The following CDH18 variants were observed in gnomAD, a reference collection of about 807,000 sequenced individuals.
CDH18 encodes the protein cadherin-18.
Under a neutral mutation model 67.9 loss-of-function variants are expected in CDH18, and 31 were observed. The observed-to-expected ratio is 0.46, with a 90% confidence interval of 0.34 to 0.62. The LOEUF is 0.62. Ranked by LOEUF, CDH18 falls within the 20% of genes least tolerant of loss-of-function variation. The pLI is 0.01. For synonymous variants in CDH18, 362 were observed against 347.2 expected (o/e 1.04, Z -0.48); for missense variants, 890 against 975.5 (o/e 0.91, Z 1.17).
At chr5:19,975,725 G>A (rs1315335343) in intron 2 of CDH18, among the ~76,000 whole-genome samples, 2 of 152,068 alleles carry the variant, frequency 1.3e-5, no homozygotes, top group African/African-American at 4.8e-5. Context: ...TTTAGTTAAT[G>A]TGTTACTTTT....
chr5:20,022,040 G>C (rs1486298791), intron 2 of CDH18, among the ~76,000 whole-genome samples: 1 of 152,044 alleles, frequency 6.6e-6, no homozygotes, highest in African/African-American at 2.4e-5. Context: ...CATAAAGAGT[G>C]GTTTGTTTTT....
intron 2 of CDH18, among the ~76,000 whole-genome samples, chr5:19,863,354 G>T (rs759240304): frequency 6.6e-6 from 1 of 152,142 alleles, no homozygotes; most frequent in South Asian, 2.1e-4. Flanking sequence ...CAAGGTTAAC[G>T]CAGTGGGGAA....
intron 5 of CDH18, among the ~76,000 whole-genome samples, chr5:19,691,483 T>TTTTTTTTTTTTTTTTTTTTTTTG (rs1761880139): frequency 6.6e-6 from 1 of 151,904 alleles, no homozygotes; most frequent in South Asian, 2.1e-4. Context: ...ATCTTATATT[T>TTTTTTTTTTTTTTTTTTTTTTTG]AGAAACACTT....
rs573854951 is a variant in CDH18, at chr5:19,873,868, G to A, written c.-256-34626C>T. ...TCACCATGTTGCCCAGGCAGGTTGC[G>A]AACTCCTGAGCTCAGGGAATCCGCC... On this transcript the variant is annotated intron_variant, in intron 2 of 12. Coordinates refer to ENST00000382275, the MANE Select transcript of CDH18 (RefSeq NM_004934.5). 1.3e-4 allele frequency among the ~76,000 whole-genome samples: 20 copies of A among 152,102 alleles called. No homozygotes were observed. In the South Asian group the frequency reaches 3.9e-3, roughly 30 times the overall value.
In CDH18 at chr5:19,654,386, C is replaced by T. The variant is rs1016047601; in HGVS notation, c.644-41785G>A. 2.0e-5 allele frequency among the ~76,000 whole-genome samples: 3 copies of T among 152,170 alleles called. No individual in the cohort carries two copies. In the East Asian group the frequency reaches 5.8e-4, roughly 29 times the overall value. On this transcript the variant is annotated intron_variant, in intron 5 of 12. Transcript: ENST00000382275. ...CCAATATATGAAATCTGATTATATG[C>T]ATGCATACATGTATAAATGCATATG... is the stretch of plus-strand genomic sequence containing the variant.
At chr5:20,148,528 C>A (rs976277338) in intron 2 of CDH18, among the ~76,000 whole-genome samples, 1 of 152,124 alleles carries the variant, frequency 6.6e-6, no homozygotes, top group South Asian at 2.1e-4. Context: ...CATCAGCATT[C>A]ATAGATAAGT....
At chr5:19,962,299 C>G (rs368121336) in intron 2 of CDH18, among the ~76,000 whole-genome samples, 1 of 125,108 alleles carries the variant, frequency 8.0e-6, no homozygotes, top group Non-Finnish European at 1.6e-5. Context: ...TTACTATTTA[C>G]AAACATTTAA....
intron 2 of CDH18, among the ~76,000 whole-genome samples, chr5:20,097,221 T>C (rs1746064235): frequency 6.6e-6 from 1 of 152,128 alleles, no homozygotes; most frequent in Non-Finnish European, 1.5e-5. Flanking sequence ...GCACATTTTT[T>C]TCACTCTGTT....
intron 1 of CDH18, among the ~76,000 whole-genome samples, chr5:20,425,415 C>CA (rs576824190): frequency 2.7e-4 from 40 of 148,240 alleles, no homozygotes; most frequent in Middle Eastern, 3.4e-3. Context: ...TAGAAAAAAA[C>CA]AAAAAAAAGA....
intron 1 of CDH18, among the ~76,000 whole-genome samples, chr5:20,374,699 G>A (rs1311833832): frequency 6.6e-6 from 1 of 152,020 alleles, no homozygotes; most frequent in Non-Finnish European, 1.5e-5. Flanking sequence ...GGAAAGAGGG[G>A]ATTCAATGAA....
chr5:19,597,708 C>T (rs1746398676), intron 6 of CDH18, among the ~76,000 whole-genome samples: 2 of 152,118 alleles, frequency 1.3e-5, no homozygotes, highest in South Asian at 2.1e-4. Context: ...AAGTAACATA[C>T]TATTGAAGGC....
chr5:19,589,826 T>C (rs535046998), intron 7 of CDH18, among the ~76,000 whole-genome samples: 2 of 152,232 alleles, frequency 1.3e-5, no homozygotes, highest in African/African-American at 4.8e-5. Context: ...CCTCAGGCAC[T>C]TGGTACATTT....
chr5:20,170,967 C>G (rs1436407368), intron 2 of CDH18, among the ~76,000 whole-genome samples: 2 of 151,932 alleles, frequency 1.3e-5, no homozygotes, highest in Non-Finnish European at 2.9e-5. Flanking sequence ...ATTTAGTTAT[C>G]TGTTCCTGCA....
intron 1 of CDH18, among the ~76,000 whole-genome samples, chr5:20,366,194 G>A (rs967696567): frequency 6.6e-5 from 10 of 152,052 alleles, no homozygotes; most frequent in Admixed American, 2.0e-4. Context: ...TGATCTTCCA[G>A]ACCCACACCT....
At position 19,471,505 on chromosome 5, in the gene CDH18, A is replaced by G. The variant is rs753381335; in HGVS notation, c.*1721T>C. 2.0e-5 allele frequency among the ~76,000 whole-genome samples: 3 copies of G among 152,090 alleles called. No individual in the cohort carries two copies. The highest frequency in any genetic ancestry group is 2.4e-5 in the African/African-American group (1 of 41,426). ...CTTTTGGGGACACTGATAATGATAA[A>G]TTTAAAGAGCAAAGGAAAAACTCCG... On this transcript the variant is annotated 3_prime_UTR_variant, in exon 13 of 13. Coordinates refer to ENST00000382275, the MANE Select transcript of CDH18 (RefSeq NM_004934.5).
At chr5:20,149,316 T>C (rs568318746) in intron 2 of CDH18, among the ~76,000 whole-genome samples, 2 of 152,286 alleles carry the variant, frequency 1.3e-5, no homozygotes, top group South Asian at 4.1e-4. Context: ...ATCCAACAAT[T>C]TTTATATCTT....
intron 1 of CDH18, among the ~76,000 whole-genome samples, chr5:20,566,000 C>A (rs1758482207): frequency 1.3e-5 from 2 of 152,006 alleles, no homozygotes; most frequent in Admixed American, 1.3e-4. Context: ...CTGATTTTTG[C>A]TGACATAAAT....
At chr5:20,220,398 T>C (rs1741132138) in intron 2 of CDH18, among the ~76,000 whole-genome samples, 1 of 152,100 alleles carries the variant, frequency 6.6e-6, no homozygotes, top group East Asian at 1.9e-4. Context: ...CTTTTATACA[T>C]AGTGCTGAGA....
intron 7 of CDH18, among the ~76,000 whole-genome samples, chr5:19,577,820 C>T (rs1742569744): frequency 6.6e-6 from 1 of 152,188 alleles, no homozygotes; most frequent in Non-Finnish European, 1.5e-5. Flanking sequence ...TATGGCAAAT[C>T]ATGCAATTAA....
Sources: allele counts gnomAD v4.1 joint callset (sites outside exome capture counted in the v4.1 genomes callset), GRCh38; gene constraint gnomAD v4.1.1; transcripts MANE v1.5; gene names NCBI Gene and HGNC (gene_info 2026-07-23, HGNC 2026-07-21).